Variants in DCHS2 observed in about 807,000 individuals in gnomAD.
The protein encoded by DCHS2 is protocadherin-23.
In DCHS2, 142 loss-of-function variants were observed where a neutral mutation model predicts 182.4. That is an observed-to-expected ratio of 0.78 (90% CI 0.68 to 0.89). DCHS2 has a LOEUF of 0.89. DCHS2 is among the 40% of genes least tolerant of loss of function. The pLI, the probability that DCHS2 is intolerant of heterozygous loss-of-function variation, is 0.00. For synonymous variants in DCHS2, 1,740 were observed against 1,663.3 expected (o/e 1.05, Z -1.12); for missense variants, 4,319 against 4,198.6 (o/e 1.03, Z -0.79).
intron 12 of DCHS2, among the ~76,000 whole-genome samples, chr4:154,300,910 T>C (rs77627846): frequency 0.014 from 2,155 of 152,274 alleles, 60 homozygotes; most frequent in African/African-American, 0.049. Flanking sequence ...GACCAGTCAA[T>C]CATCTTTAAA....
Position 154,356,648 on chromosome 4 carries a change from T to C in DCHS2, c.2476+9562A>G, listed in dbSNP as rs1729885756. Among the ~76,000 whole-genome samples, 4 of 152,294 alleles carry C rather than the reference T, an allele frequency of 2.6e-5. No individual in the cohort carries two copies. In the South Asian group the frequency reaches 8.3e-4, roughly 32 times the overall value. ...TGTTTAGATATACAAATTCTTACCATAGTGAAACAGTTGCCTATAGTAGTC... is the reference window on the plus strand; with the variant it reads ...TGTTTAGATATACAAATTCTTACCACAGTGAAACAGTTGCCTATAGTAGTC... On this transcript the variant is annotated intron_variant, in intron 3 of 19. Transcript: ENST00000357232.
At chr4:154,427,553 G>A (rs1733381570) in intron 1 of DCHS2, among the ~76,000 whole-genome samples, 1 of 152,208 alleles carries the variant, frequency 6.6e-6, no homozygotes, top group African/African-American at 2.4e-5. Context: ...ATCATTCTTT[G>A]CTCAATTAAC....
At chr4:154,248,767 TTAGAAA>T (rs758656507) in intron 16 of DCHS2, among the ~76,000 whole-genome samples, 4 of 151,918 alleles carry the variant, frequency 2.6e-5, no homozygotes, top group Non-Finnish European at 5.9e-5. Flanking sequence ...AATAGAAAAC[TTAGAAA>T]TAGAACCACA....
chr4:154,491,290 G>C lies in DCHS2; in HGVS notation c.66C>G (p.Leu22=). 5.2e-6 allele frequency: 8 copies of C among 1,549,242 alleles called. No individual in the cohort carries two copies. Among genetic ancestry groups the C allele is most frequent in the Non-Finnish European group, 7.0e-6 (8 of 1,145,528 alleles). ...TATCTCTCCTCCCGGGGAGCAGAAG[G>C]AGCTTCCCGACCGGAGCCCGCCGCT... ...RQQRRAPVGK[L]LLLPGRRDTP... Residue 22 remains leucine (L), a synonymous_variant, in exon 1 of 20, where the codon CTC becomes CTG. Coordinates refer to ENST00000357232, the MANE Select transcript of DCHS2 (RefSeq NM_001358235.2).
chr4:154,384,987 A>G lies in DCHS2; in HGVS notation c.2053-7543T>C, dbSNP rs190230969. On this transcript the variant is annotated intron_variant, in intron 1 of 19. Transcript: ENST00000357232. Reference sequence around the variant, plus strand: ...TGTGCACAATGTGCATGTTTGTTACATATGTATACATGTGCCATGTTGGTG... The same window carrying G: ...TGTGCACAATGTGCATGTTTGTTACGTATGTATACATGTGCCATGTTGGTG... 2.1e-3 allele frequency among the ~76,000 whole-genome samples: 313 copies of G among 151,964 alleles called. 2 individuals are homozygous for G. Among genetic ancestry groups the G allele is most frequent in the African/African-American group, 7.3e-3 (301 of 41,440 alleles).
chr4:154,477,842 G>C (rs997970937), intron 1 of DCHS2, among the ~76,000 whole-genome samples: 3 of 152,192 alleles, frequency 2.0e-5, no homozygotes, highest in Admixed American at 6.5e-5. Flanking sequence ...GTCAGAGCTT[G>C]CTAAGGACTG....
chr4:154,278,199 T>C (rs11723058), intron 13 of DCHS2, among the ~76,000 whole-genome samples: 47,557 of 151,976 alleles, frequency 0.31, 9,079 homozygotes, highest in Non-Finnish European at 0.43. Flanking sequence ...ATTAAGGAGC[T>C]GAAGAACAAA....
intron 16 of DCHS2, among the ~76,000 whole-genome samples, chr4:154,244,604 C>A (rs6843418): frequency 0.77 from 117,375 of 152,100 alleles, 48,946 homozygotes; most frequent in South Asian, 0.94. Flanking sequence ...GATGAATGTT[C>A]TTTCTCTTTC....
chr4:154,433,444 G>C (rs555768440), intron 1 of DCHS2, among the ~76,000 whole-genome samples: 12 of 135,476 alleles, frequency 8.9e-5, no homozygotes, highest in African/African-American at 3.4e-4. Flanking sequence ...CGCTAGGCTG[G>C]AGTGCAGTGG....
chr4:154,351,955 A>G (rs948208548), intron 3 of DCHS2, among the ~76,000 whole-genome samples: 1 of 151,976 alleles, frequency 6.6e-6, no homozygotes, highest in Non-Finnish European at 1.5e-5. Flanking sequence ...TGCTATTTCT[A>G]TGAATTATGT....
At chr4:154,254,994 A>G (rs1732580840) in intron 16 of DCHS2, among the ~76,000 whole-genome samples, 1 of 152,208 alleles carries the variant, frequency 6.6e-6, no homozygotes, top group South Asian at 2.1e-4. Context: ...TAAGGCTGGC[A>G]TATCTTAGAC....
chr4:154,243,287 A>T (rs980967066), intron 16 of DCHS2, among the ~76,000 whole-genome samples: 1 of 152,204 alleles, frequency 6.6e-6, no homozygotes, highest in Non-Finnish European at 1.5e-5. Context: ...CACCGCTATG[A>T]TGAACACACT....
intron 3 of DCHS2, among the ~76,000 whole-genome samples, chr4:154,348,602 T>C (rs138504739): frequency 2.4e-4 from 37 of 151,654 alleles, no homozygotes; most frequent in African/African-American, 8.0e-4. Flanking sequence ...ATGACCGGTG[T>C]CCACACACAA....
At chr4:154,256,155 T>G (rs1267495264) in intron 15 of DCHS2, among the ~76,000 whole-genome samples, 1 of 152,188 alleles carries the variant, frequency 6.6e-6, no homozygotes, top group Non-Finnish European at 1.5e-5. Flanking sequence ...TTTATTTTAT[T>G]TTATTTTTGA....
chr4:154,305,321 G>A (rs1578942982), intron 10 of DCHS2, 90 bp from the exon 11 acceptor site: 3 of 1,413,274 alleles, frequency 2.1e-6, no homozygotes, highest in South Asian at 1.6e-5. Flanking sequence ...AACATGTTAG[G>A]CCATAGATGA....
At chr4:154,441,884 A>T (rs2110957265) in intron 1 of DCHS2, among the ~76,000 whole-genome samples, 1 of 152,282 alleles carries the variant, frequency 6.6e-6, no homozygotes, top group Admixed American at 6.5e-5. Flanking sequence ...AACCGGGGCC[A>T]CAGTCGATTG....
rs146851304 is a variant in DCHS2 at position 154,254,188 on chromosome 4, C to G, written c.6941+1331G>C. Among the ~76,000 whole-genome samples, 267 of 152,294 alleles carry G rather than the reference C, an allele frequency of 1.8e-3. 2 individuals carry two copies. Among genetic ancestry groups the G allele is most frequent in the African/African-American group, 6.1e-3 (254 of 41,562 alleles). Reference sequence around the variant, plus strand: ...TTGGAAAAACCGAAAAACACAACATCTATCTAAAGCATACTAAAATGTTCA... The same window carrying G: ...TTGGAAAAACCGAAAAACACAACATGTATCTAAAGCATACTAAAATGTTCA... On this transcript the variant is annotated intron_variant, in intron 16 of 19. Coordinates refer to ENST00000357232, the MANE Select transcript of DCHS2 (RefSeq NM_001358235.2).
At chr4:154,487,935 T>C (rs965807645) in intron 1 of DCHS2, among the ~76,000 whole-genome samples, 14 of 152,164 alleles carry the variant, frequency 9.2e-5, no homozygotes, top group Admixed American at 9.2e-4. Flanking sequence ...CCCAGCACTT[T>C]GGGAGGCTGA....
intron 16 of DCHS2, among the ~76,000 whole-genome samples, chr4:154,252,457 T>C (rs1732418064): frequency 1.3e-5 from 2 of 152,132 alleles, no homozygotes; most frequent in Admixed American, 1.3e-4. Context: ...TTGTAATCTT[T>C]AACCATTCCC....
Sources: allele counts gnomAD v4.1 joint callset (sites outside exome capture counted in the v4.1 genomes callset), GRCh38; gene constraint gnomAD v4.1.1; transcripts MANE v1.5; gene names NCBI Gene and HGNC (gene_info 2026-07-23, HGNC 2026-07-21).